The following ADAM22 variants were observed in gnomAD, a reference collection of about 807,000 sequenced individuals.
ADAM22 encodes ADAM metallopeptidase domain 22.
A neutral mutation model predicts 144.6 loss-of-function variants in ADAM22; 65 were observed. That is an observed-to-expected ratio of 0.45 (90% CI 0.37 to 0.55). The LOEUF (loss-of-function observed/expected upper bound fraction) is 0.55, where lower values mean the gene tolerates loss of function less well. Ranked by LOEUF, ADAM22 falls within the 20% of genes least tolerant of loss-of-function variation. The probability of loss-of-function intolerance (pLI) is 0.00; values close to 1 mark genes in which losing one functional copy is unlikely to be tolerated. For synonymous variants in ADAM22, 391 were observed against 412.6 expected, an observed-to-expected ratio of 0.95 and a Z score of 0.63; for missense variants, 974 against 1,184.9, an observed-to-expected ratio of 0.82 and a Z score of 2.61.
intron 3 of ADAM22, among the ~76,000 whole-genome samples, chr7:87,980,699 A>C (rs1853166073): frequency 6.6e-6 from 1 of 152,192 alleles, no homozygotes; most frequent in Admixed American, 6.5e-5. Flanking sequence ...GATTATATCT[A>C]TAAGTAGAGT....
chr7:87,978,560 T>G (rs1852468072), intron 3 of ADAM22, 148 bp downstream of exon 3: 1 of 597,628 alleles, frequency 1.7e-6, no homozygotes, highest in African/African-American at 1.9e-5. Context: ...TACTGTAGGT[T>G]ATAAAGTCTG....
At chr7:88,004,659 G>C (rs1793362524) in intron 3 of ADAM22, among the ~76,000 whole-genome samples, 1 of 152,142 alleles carries the variant, frequency 6.6e-6, no homozygotes, top group South Asian at 2.1e-4. Flanking sequence ...CCAGAAAACT[G>C]AAAAATTTAT....
chr7:88,044,386 CG>C (rs1380401485), intron 3 of ADAM22, among the ~76,000 whole-genome samples: 1 of 152,060 alleles, frequency 6.6e-6, no homozygotes, highest in Non-Finnish European at 1.5e-5. Context: ...TGGATGTATA[CG>C]TGGAATTTTC....
At chr7:88,148,928 AT>A (rs3217001) in intron 17 of ADAM22, 48 bp from the exon 18 acceptor site, 92 of 1,381,722 alleles carry the variant, frequency 6.7e-5, no homozygotes, top group Middle Eastern at 1.8e-4. Context: ...ATATTGTAAG[AT>A]TTTTTTTTCT....
At chr7:88,167,593 C>T (rs945972637) in intron 24 of ADAM22, among the ~76,000 whole-genome samples, 34 of 152,082 alleles carry the variant, frequency 2.2e-4, no homozygotes, top group Non-Finnish European at 3.5e-4. Flanking sequence ...ATTGCCCAGA[C>T]GGGGAATTAC....
At chr7:88,072,702 C>T (rs527580152) in intron 3 of ADAM22, among the ~76,000 whole-genome samples, 1 of 152,222 alleles carries the variant, frequency 6.6e-6, no homozygotes, top group South Asian at 2.1e-4. Context: ...TGATTTTTTT[C>T]TGAATTTACA....
intron 2 of ADAM22, among the ~76,000 whole-genome samples, chr7:87,975,178 AG>A (rs1851613276): frequency 1.3e-5 from 2 of 152,136 alleles, no homozygotes; most frequent in Admixed American, 6.5e-5. Context: ...CTCCTTCTGG[AG>A]GCCTTCTGAG....
At chr7:88,043,442 G>A (rs957191545) in intron 3 of ADAM22, among the ~76,000 whole-genome samples, 1 of 148,928 alleles carries the variant, frequency 6.7e-6, no homozygotes, top group Non-Finnish European at 1.5e-5. Flanking sequence ...CCTAGATCGC[G>A]CCACTGCACT....
intron 3 of ADAM22, among the ~76,000 whole-genome samples, chr7:87,985,914 A>G (rs1184132400): frequency 6.6e-6 from 1 of 152,098 alleles, no homozygotes; most frequent in East Asian, 1.9e-4. Context: ...ATTTTTTTAA[A>G]TGGTGCTATA....
At chr7:88,130,601 C>A (rs1471723396) in intron 10 of ADAM22, 142 bp downstream of exon 10, 7 of 693,916 alleles carry the variant, frequency 1.0e-5, no homozygotes, top group Non-Finnish European at 1.4e-5. Flanking sequence ...GGTGACCTTG[C>A]AATAGACTTT....
At chr7:88,142,968 C>A in intron 14 of ADAM22, 58 bp from the exon 15 acceptor site, 2 of 1,065,328 alleles carry the variant, frequency 1.9e-6, no homozygotes, top group Non-Finnish European at 2.9e-6. Context: ...AGTTTTCAGA[C>A]ATTCACAAAT....
At chr7:88,030,654 A>G (rs1397184411) in intron 3 of ADAM22, among the ~76,000 whole-genome samples, 1 of 151,846 alleles carries the variant, frequency 6.6e-6, no homozygotes, top group African/African-American at 2.4e-5. Flanking sequence ...GTCTCATGAG[A>G]TCTCGTTGTT....
At chr7:88,037,315 C>G (rs1213916684) in intron 3 of ADAM22, among the ~76,000 whole-genome samples, 1 of 152,016 alleles carries the variant, frequency 6.6e-6, no homozygotes, top group Non-Finnish European at 1.5e-5. Flanking sequence ...CTTAAAAATT[C>G]AATTTTTTCT....
chr7:88,038,540 C>T (rs954964444), intron 3 of ADAM22, among the ~76,000 whole-genome samples: 7 of 150,984 alleles, frequency 4.6e-5, no homozygotes, highest in South Asian at 2.1e-4. Context: ...CTGCAAGCTC[C>T]GCCTCCCGGG....
intron 3 of ADAM22, among the ~76,000 whole-genome samples, chr7:88,030,846 G>A (rs953551788): frequency 2.6e-5 from 4 of 152,204 alleles, no homozygotes; most frequent in Non-Finnish European, 5.9e-5. Context: ...GCCGGGCACG[G>A]TGGCTCATGC....
intron 3 of ADAM22, among the ~76,000 whole-genome samples, chr7:87,998,353 A>G (rs1357319002): frequency 6.6e-6 from 1 of 152,146 alleles, no homozygotes; most frequent in Non-Finnish European, 1.5e-5. Flanking sequence ...ATGGGATTAC[A>G]TTAGACCCCT....
chr7:88,094,285 A>G (rs959136283), intron 4 of ADAM22, among the ~76,000 whole-genome samples: 7 of 152,216 alleles, frequency 4.6e-5, no homozygotes, highest in Non-Finnish European at 1.0e-4. Context: ...GTCAGGGAAG[A>G]CTTTCTTGAG....
intron 4 of ADAM22, among the ~76,000 whole-genome samples, chr7:88,105,292 A>G (rs1824061693): frequency 6.6e-6 from 1 of 152,116 alleles, no homozygotes; most frequent in Non-Finnish European, 1.5e-5. Flanking sequence ...TCAGACTTCT[A>G]AGAGAAGAAG....
chr7:88,154,015 C>T (rs1839202644), intron 21 of ADAM22, among the ~76,000 whole-genome samples: 1 of 152,130 alleles, frequency 6.6e-6, no homozygotes, highest in South Asian at 2.1e-4. Flanking sequence ...AGAACAGTAC[C>T]CAGCACTGAT....
Sources: gnomAD v4.1 joint callset for allele counts (sites outside exome capture counted in the v4.1 genomes callset) on GRCh38, gnomAD v4.1.1 for gene constraint, MANE v1.5 for transcripts, NCBI Gene and HGNC (gene_info 2026-07-23, HGNC 2026-07-21) for gene names.